The following UTP14A variants were observed in gnomAD, a reference collection of about 807,000 sequenced individuals.
UTP14A encodes U3 small nucleolar RNA-associated protein 14 homolog A.
Under a neutral mutation model 57.2 loss-of-function variants are expected in UTP14A, and 5 were observed. That is an observed-to-expected ratio of 0.09 (90% CI 0.05 to 0.18). The LOEUF is 0.18. Ranked by LOEUF, UTP14A falls within the 10% of genes least tolerant of loss-of-function variation. The probability of loss-of-function intolerance (pLI) is 1.00; values close to 1 mark genes in which losing one functional copy is unlikely to be tolerated. For missense variants in UTP14A, 430 were observed against 562.1 expected (o/e 0.76, Z 2.38); for synonymous variants, 169 against 210.9 (o/e 0.80, Z 1.72).
chrX:129,928,137 T>C (rs1930171336), intron 14 of UTP14A, among the ~76,000 whole-genome samples: 1 of 108,918 alleles, frequency 9.2e-6, no homozygotes, highest in Non-Finnish European at 1.9e-5. Context: ...TCCCAGCACT[T>C]TGGGAGGCCA....
chrX:129,915,976 C>T (rs1243572025), intron 6 of UTP14A, among the ~76,000 whole-genome samples: 1 of 80,998 alleles, frequency 1.2e-5, no homozygotes, highest in Non-Finnish European at 2.2e-5. Context: ...TTTTTTGAGA[C>T]GGAGTCTTGC....
intron 1 of UTP14A, 100 bp from the exon 2 acceptor site, chrX:129,907,267 C>A (rs1020621480): frequency 3.1e-6 from 2 of 647,266 alleles, no homozygotes; most frequent in African/African-American, 4.5e-5. Context: ...AATAATATTT[C>A]TTTTTTTAAT....
At chrX:129,918,403 A>C (rs1486929738) in intron 6 of UTP14A, among the ~76,000 whole-genome samples, 1 of 107,811 alleles carries the variant, frequency 9.3e-6, no homozygotes, top group Non-Finnish European at 1.9e-5. Flanking sequence ...AAACAAAAAA[A>C]AAAAAAAAAA....
At chrX:129,929,296 C>T in intron 14 of UTP14A, 40 bp from the exon 15 acceptor site, 1 of 1,196,823 alleles carries the variant, frequency 8.4e-7, no homozygotes, top group Non-Finnish European at 1.1e-6. Flanking sequence ...AACTGCACCC[C>T]AGGCCTGCCT....
intron 6 of UTP14A, among the ~76,000 whole-genome samples, chrX:129,914,906 A>G (rs772180222): frequency 8.9e-6 from 1 of 112,649 alleles, no homozygotes; most frequent in East Asian, 2.8e-4. Flanking sequence ...ATGCTTTAGC[A>G]TTTTAAAGTC....
chrX:129,907,303 T>C, intron 1 of UTP14A, 64 bp from the exon 2 acceptor site: 1 of 880,656 alleles, frequency 1.1e-6, no homozygotes, highest in South Asian at 2.4e-5. Context: ...AATTAAGGGA[T>C]ACATATGCAG....
intron 8 of UTP14A, 133 bp downstream of exon 8, chrX:129,919,622 GC>G: frequency 1.4e-6 from 1 of 725,260 alleles, no homozygotes; most frequent in Non-Finnish European, 2.0e-6. Flanking sequence ...GGAGTGACTA[GC>G]CTTTTGTTCC....
chrX:129,924,755 A>G, intron 11 of UTP14A, 40 bp from the exon 12 acceptor site: 2 of 1,182,125 alleles, frequency 1.7e-6, no homozygotes, highest in Non-Finnish European at 2.3e-6. Flanking sequence ...ACAACGTACA[A>G]ACCTCATTTT....
intron 6 of UTP14A, among the ~76,000 whole-genome samples, chrX:129,912,735 C>T (rs1446329707): frequency 9.0e-6 from 1 of 111,367 alleles, no homozygotes. Context: ...CTCTGAGCTG[C>T]AGGGCAGGGG....
At chrX:129,925,717 A>C (rs973121392) in intron 12 of UTP14A, among the ~76,000 whole-genome samples, 2 of 112,448 alleles carry the variant, frequency 1.8e-5, no homozygotes, top group Non-Finnish European at 3.8e-5. Flanking sequence ...ATTGTGTCAT[A>C]TGATAATGAG....
chrX:129,911,113 C>T lies in UTP14A; in HGVS notation c.344C>T (p.Thr115Ile), dbSNP rs1197368486. Residue 115 changes from threonine to isoleucine, a missense_variant, in exon 5 of 15, where the codon ACA becomes ATA. By Grantham distance (89) the Thr-to-Ile change is moderately conservative. Transcript: ENST00000394422. ...KQLSRVKSKKTVELPLNKEEI... is the reference protein window; with the variant it reads ...KQLSRVKSKKIVELPLNKEEI... ...CTGAGTAGAGTCAAATCAAAGAAGA[C>T]AGTGGAGTTACCTCTGAACAAAGAA... 1.3e-5 allele frequency: 16 copies of T among 1,209,182 alleles called. No individual in the cohort carries two copies. The Admixed American group carries it at 3.1e-4, about 23-fold the overall frequency.
intron 11 of UTP14A, chrX:129,921,838 C>G (rs908832984): frequency 5.5e-5 from 19 of 345,575 alleles, no homozygotes; most frequent in Non-Finnish European, 8.8e-5. Flanking sequence ...TGGGGGCTTA[C>G]AGCCTTCAGA....
chrX:129,912,749 A>G (rs1470980127), intron 6 of UTP14A, among the ~76,000 whole-genome samples: 1 of 111,539 alleles, frequency 9.0e-6, no homozygotes, highest in Non-Finnish European at 1.9e-5. Context: ...GCAGGGGTTG[A>G]TGTTTTAGAG....
Position 129,921,824 on chromosome X carries a change from T to C in UTP14A, c.1348+237T>C, listed in dbSNP as rs748913865. ...CAACGTGGTTCAGGCACATTTTCTG[T>C]TCTTGGGGGCTTACAGCCTTCAGAA... On this transcript the variant is annotated intron_variant, in intron 11 of 14. Transcript: ENST00000394422. The C allele has an allele frequency of 9.3e-5, 34 of 366,197 alleles. No homozygotes were observed. The Middle Eastern group carries it at 2.2e-3, about 24-fold the overall frequency. 30.2% of individuals were successfully genotyped at this position (366,197 alleles called of 1,213,427 possible).
Position 129,920,592 on chromosome X carries a change from T to G in UTP14A, c.876+12T>G. The stretch of plus-strand genomic sequence containing the variant: ...AGGCCAGAATGATGGTGAGACTACC[T>G]CTTGCCCCACCCCCACCCCTTTGAA... On this transcript the variant is annotated intron_variant, in intron 9 of 14. Transcript: ENST00000394422. 8.3e-7 allele frequency: 1 copy of G among 1,211,350 alleles called. No homozygotes were observed.
chrX:129,926,867 T>C (rs151268214), intron 14 of UTP14A, among the ~76,000 whole-genome samples: 36 of 112,223 alleles, frequency 3.2e-4, no homozygotes, highest in African/African-American at 1.2e-3. Flanking sequence ...TTCTGAGATC[T>C]GTCCCCAGCC....
At chrX:129,920,129 C>T (rs1051448558) in intron 8 of UTP14A, among the ~76,000 whole-genome samples, 1 of 110,913 alleles carries the variant, frequency 9.0e-6, no homozygotes, top group Non-Finnish European at 1.9e-5. Context: ...GTGGAGGCTG[C>T]AGTGAGCCAA....
chrX:129,926,671 A>T (rs1290471967), intron 14 of UTP14A, among the ~76,000 whole-genome samples: 1 of 112,295 alleles, frequency 8.9e-6, no homozygotes, highest in African/African-American at 3.2e-5. Flanking sequence ...TGAGCTAGGG[A>T]TGTTTACAAG....
chrX:129,911,729 T>C (rs1331000951), intron 5 of UTP14A, 37 bp from the exon 6 acceptor site: 1 of 1,202,922 alleles, frequency 8.3e-7, no homozygotes, highest in Non-Finnish European at 1.1e-6. Context: ...GCTTTAATCT[T>C]GTGGCTCTTT....
Sources: gnomAD v4.1 joint callset for allele counts (sites outside exome capture counted in the v4.1 genomes callset) on GRCh38, gnomAD v4.1.1 for gene constraint, MANE v1.5 for transcripts, NCBI Gene and HGNC (gene_info 2026-07-23, HGNC 2026-07-21) for gene names.